Variants in LANCL3 observed in about 807,000 individuals in gnomAD.
LANCL3 encodes the protein LanC like family member 3, also known as lanC-like protein 3.
A neutral mutation model predicts 26.5 loss-of-function variants in LANCL3; 19 were observed. The ratio of observed to expected loss-of-function variants is 0.72; its 90% CI spans 0.50 to 1.05. The LOEUF is 1.05. Among genes scored for constraint, LANCL3 ranks in the 50% least tolerant of loss-of-function variants. LANCL3 has a pLI of 0.00. For synonymous variants in LANCL3, 160 were observed against 166.6 expected (o/e 0.96, Z 0.30); for missense variants, 318 against 362.7 (o/e 0.88, Z 1.00).
At chrX:37,602,705 A>T (rs186947017) in intron 1 of LANCL3, among the ~76,000 whole-genome samples, 132 of 111,757 alleles carry the variant, frequency 1.2e-3, no homozygotes, top group African/African-American at 4.1e-3. Flanking sequence ...ATTTAATCTT[A>T]TTAAAATAAT....
chrX:37,630,116 T>C (rs1258679341), intron 1 of LANCL3, among the ~76,000 whole-genome samples: 1 of 111,338 alleles, frequency 9.0e-6, no homozygotes, highest in African/African-American at 3.3e-5. Context: ...TGTATCCTCT[T>C]TTATTTCATT....
At chrX:37,602,869 G>T (rs1322261909) in intron 1 of LANCL3, among the ~76,000 whole-genome samples, 1 of 111,580 alleles carries the variant, frequency 9.0e-6, no homozygotes, top group Non-Finnish European at 1.9e-5. Context: ...TGATTGCCTT[G>T]TTTAATCCTT....
At chrX:37,603,073 T>G (rs1169855216) in intron 1 of LANCL3, among the ~76,000 whole-genome samples, 15 of 112,414 alleles carry the variant, frequency 1.3e-4, no homozygotes, top group Non-Finnish European at 1.9e-5. Flanking sequence ...ATAGGAAGTC[T>G]GGCAGGGAAT....
At chrX:37,657,678 G>A (rs1249258054) in intron 2 of LANCL3, among the ~76,000 whole-genome samples, 1 of 109,807 alleles carries the variant, frequency 9.1e-6, no homozygotes, top group East Asian at 2.8e-4. Context: ...TAACATTCTG[G>A]CTTTTTACAT....
intron 1 of LANCL3, among the ~76,000 whole-genome samples, chrX:37,634,184 A>T (rs1299008131): frequency 8.9e-6 from 1 of 112,374 alleles, no homozygotes; most frequent in Admixed American, 9.3e-5. Flanking sequence ...GTTTGGTCTC[A>T]GACTGCTGTG....
chrX:37,613,724 T>C (rs1348536987), intron 1 of LANCL3, among the ~76,000 whole-genome samples: 1 of 112,757 alleles, frequency 8.9e-6, no homozygotes, highest in Non-Finnish European at 1.9e-5. Flanking sequence ...CATGCCTTAT[T>C]GCTTGTAATA....
At chrX:37,593,781 G>A (rs1243593016) in intron 1 of LANCL3, among the ~76,000 whole-genome samples, 2 of 112,143 alleles carry the variant, frequency 1.8e-5, no homozygotes, top group Non-Finnish European at 3.8e-5. Flanking sequence ...ATTAAACAGC[G>A]TTGTTGGAGA....
At chrX:37,595,711 A>G (rs1428960033) in intron 1 of LANCL3, among the ~76,000 whole-genome samples, 5 of 112,420 alleles carry the variant, frequency 4.4e-5, no homozygotes, top group Admixed American at 9.4e-5. Context: ...GCTTTTAAAA[A>G]TAATCATCAT....
intron 1 of LANCL3, among the ~76,000 whole-genome samples, chrX:37,604,408 C>G (rs1924650471): frequency 8.9e-6 from 1 of 112,092 alleles, no homozygotes; most frequent in Non-Finnish European, 1.9e-5. Context: ...GATATTCCAC[C>G]TTGGGCACAT....
At position 37,667,279 on chromosome X, in the gene LANCL3, C is replaced by T. The variant is rs1475616553; in HGVS notation, c.896-3C>T. 5.5e-6 allele frequency: 6 copies of T among 1,090,321 alleles called. No homozygotes were observed. The highest frequency in any genetic ancestry group is 7.2e-6 in the Non-Finnish European group (6 of 832,258). 89.9% of individuals were successfully genotyped at this position (1,090,321 alleles called of 1,213,427 possible). On this transcript the variant is annotated splice_region_variant and splice_polypyrimidine_tract_variant and intron_variant, in intron 3 of 4. Transcript: ENST00000378619. ...ACCTCTAATATCTTTGATGTTTTCA[C>T]AGGAATTGCCTATCTGTTTGCCAAA...
chrX:37,633,764 G>A (rs1925612081), intron 1 of LANCL3, among the ~76,000 whole-genome samples: 1 of 111,764 alleles, frequency 8.9e-6, no homozygotes, highest in Non-Finnish European at 1.9e-5. Context: ...AACCGCAAAT[G>A]CTGCTGTCTG....
intron 1 of LANCL3, among the ~76,000 whole-genome samples, chrX:37,627,385 C>G (rs1925346277): frequency 9.0e-6 from 1 of 111,349 alleles, no homozygotes; most frequent in Non-Finnish European, 1.9e-5. Flanking sequence ...GAGAATCTCA[C>G]AGTAATGCTG....
intron 3 of LANCL3, among the ~76,000 whole-genome samples, chrX:37,665,023 C>T (rs912083046): frequency 4.5e-5 from 5 of 111,768 alleles, no homozygotes; most frequent in Admixed American, 3.8e-4. Context: ...TGAACATACA[C>T]GTCATTGGCT....
At chrX:37,637,497 G>A (rs1403710604) in intron 1 of LANCL3, among the ~76,000 whole-genome samples, 1 of 111,006 alleles carries the variant, frequency 9.0e-6, no homozygotes, top group Non-Finnish European at 1.9e-5. Flanking sequence ...GAATACATGC[G>A]CGTGGCCCCT....
intron 4 of LANCL3, chrX:37,668,415 G>T: frequency 2.5e-6 from 1 of 407,484 alleles, no homozygotes; most frequent in Non-Finnish European, 4.5e-6. Flanking sequence ...CTGTATACCA[G>T]ACAACATTGC....
chrX:37,603,682 C>G (rs1364828250), intron 1 of LANCL3, among the ~76,000 whole-genome samples: 3 of 112,212 alleles, frequency 2.7e-5, no homozygotes, highest in Non-Finnish European at 5.6e-5. Flanking sequence ...TATTGAGAGA[C>G]TACTTGGTGT....
intron 1 of LANCL3, among the ~76,000 whole-genome samples, chrX:37,632,967 A>G (rs1459637619): frequency 2.7e-5 from 3 of 110,799 alleles, no homozygotes; most frequent in Admixed American, 9.6e-5. Flanking sequence ...TCTTTGTGGC[A>G]TTCTCTGTAT....
intron 1 of LANCL3, among the ~76,000 whole-genome samples, chrX:37,574,888 GGTGTGTGTGT>G (rs781868476): frequency 3.0e-5 from 3 of 100,892 alleles, no homozygotes; most frequent in Non-Finnish European, 4.0e-5. Flanking sequence ...ACCTTGTATA[GGTGTGTGTGT>G]GTGTGTGTGT....
At chrX:37,651,107 A>G (rs1380660587) in intron 1 of LANCL3, among the ~76,000 whole-genome samples, 1 of 110,789 alleles carries the variant, frequency 9.0e-6, no homozygotes, top group Non-Finnish European at 1.9e-5. Context: ...TATATGCCAC[A>G]TTTTCTTAAT....
Sources: allele counts gnomAD v4.1 joint callset (sites outside exome capture counted in the v4.1 genomes callset), GRCh38; gene constraint gnomAD v4.1.1; transcripts MANE v1.5; gene names NCBI Gene and HGNC (gene_info 2026-07-23, HGNC 2026-07-21).